EML6: variants seen among roughly 807,000 people sequenced by gnomAD.
The protein encoded by EML6 is echinoderm microtubule-associated protein-like 6.
Under a neutral mutation model 240.1 loss-of-function variants are expected in EML6, and 154 were observed. The ratio of observed to expected loss-of-function variants is 0.64; its 90% CI spans 0.56 to 0.73. The LOEUF (loss-of-function observed/expected upper bound fraction) is 0.73. Ranked by LOEUF, EML6 falls within the 30% of genes least tolerant of loss-of-function variation. The pLI is 0.00. For synonymous variants in EML6, 1,148 were observed against 899.0 expected (o/e 1.28, Z -4.95); for missense variants, 2,964 against 2,474.6 (o/e 1.20, Z -4.20).
At position 54,960,208 on chromosome 2, in the gene EML6, A is replaced by T. The variant is rs1389459304; in HGVS notation, c.4854-12A>T. ...AGGGTTAACAGCCTGAGTCCCTTTC[A>T]ATCTTTTTTAGGACCAAAGAAGGAG... On this transcript the variant is annotated splice_polypyrimidine_tract_variant and intron_variant, in intron 34 of 41. Coordinates refer to ENST00000356458, the MANE Select transcript of EML6 (RefSeq NM_001039753.4). 9 of 1,540,216 alleles carry T rather than the reference A, an allele frequency of 5.8e-6. No individual in the cohort carries two copies. Among genetic ancestry groups the T allele is most frequent in the Admixed American group, 2.0e-5 (1 of 50,968 alleles).
chr2:54,948,915 G>A lies in EML6; in HGVS notation c.4038G>A (p.Glu1346=), dbSNP rs975015320. The change falls in exon 29 of 42, where the codon GAG becomes GAA. Residue 1346 remains glutamate, a synonymous_variant. Transcript: ENST00000356458. ...PPVSRAAPQP[E]KLQKNNITKK... is the part of the protein sequence containing the mutation. ...TTAGCCGAGCAGCTCCCCAGCCTGA[G>A]AAACTGCAGAAGAACAATATCACCA... is the stretch of plus-strand genomic sequence containing the variant. 1.9e-6 allele frequency: 3 copies of A among 1,551,556 alleles called. No individual in the cohort carries two copies. The highest frequency in any genetic ancestry group is 1.4e-5 in the African/African-American group (1 of 73,178).
chr2:54,799,654 C>G (rs1386848165), intron 2 of EML6, among the ~76,000 whole-genome samples: 1 of 152,142 alleles, frequency 6.6e-6, no homozygotes, highest in South Asian at 2.1e-4. Context: ...TGCATGGTTG[C>G]TTTCATACTA....
At position 54,797,164 on chromosome 2, in the gene EML6, C is replaced by CAAAAAAAAAAAAAAAAAAAAAAAA. The variant is rs773498648; in HGVS notation, c.198-16066_198-16043dup. Among the ~76,000 whole-genome samples, 28 of 43,826 alleles carry CAAAAAAAAAAAAAAAAAAAAAAAA rather than the reference C, an allele frequency of 6.4e-4. 1 individual carries two copies. Among genetic ancestry groups the CAAAAAAAAAAAAAAAAAAAAAAAA allele is most frequent in the East Asian group, 2.7e-3 (3 of 1,094 alleles). 28.8% of individuals were successfully genotyped at this position (43,826 alleles called of 152,430 possible). ...TGGGTGACAGAGCAAGACTCCATCT[C>CAAAAAAAAAAAAAAAAAAAAAAAA]AAAAAAAAAAAAAAAAAAAAAAAAA... On this transcript the variant is annotated intron_variant, in intron 2 of 41. Transcript: ENST00000356458.
chr2:54,812,751 A>G (rs1462729740), intron 2 of EML6, among the ~76,000 whole-genome samples: 1 of 152,108 alleles, frequency 6.6e-6, no homozygotes, highest in Non-Finnish European at 1.5e-5. Context: ...ACAGCACATG[A>G]CTCTGGGACC....
intron 28 of EML6, among the ~76,000 whole-genome samples, chr2:54,942,914 CA>C (rs1675501067): frequency 6.6e-6 from 1 of 152,164 alleles, no homozygotes. Context: ...TGTGCCTACC[CA>C]AATGCCATTT....
At chr2:54,808,900 C>A (rs1408870878) in intron 2 of EML6, among the ~76,000 whole-genome samples, 1 of 152,198 alleles carries the variant, frequency 6.6e-6, no homozygotes, top group Non-Finnish European at 1.5e-5. Flanking sequence ...TGATGAAAGT[C>A]CTTCTCTGCA....
intron 35 of EML6, among the ~76,000 whole-genome samples, chr2:54,961,184 G>GTTGTTTTTGTTTTTTTTTTTTTTTTTTT: frequency 1.8e-5 from 1 of 55,424 alleles, no homozygotes; most frequent in Non-Finnish European, 3.2e-5. Flanking sequence ...TCAGGAAGTA[G>GTTGTTTTTGTTTTTTTTTTTTTTTTTTT]TTTTTTTTTT....
At position 54,852,793 on chromosome 2, in the gene EML6, G is replaced by A. The variant is rs1036014760; in HGVS notation, c.1445-850G>A. Reference sequence around the variant, plus strand: ...TTTATTTTGAAAATACTTATTCTGAGAGAGAAGTTAGGTAATATGCTTAAA... The same window carrying A: ...TTTATTTTGAAAATACTTATTCTGAAAGAGAAGTTAGGTAATATGCTTAAA... On this transcript the variant is annotated intron_variant, in intron 10 of 41. Transcript: ENST00000356458. Among the ~76,000 whole-genome samples the A allele has an allele frequency of 4.6e-5, 7 of 152,154 alleles. No homozygotes were observed. In the East Asian group the frequency reaches 1.3e-3, roughly 29 times the overall value.
chr2:54,791,178 G>C (rs1669429296), intron 2 of EML6, among the ~76,000 whole-genome samples: 1 of 152,086 alleles, frequency 6.6e-6, no homozygotes, highest in Non-Finnish European at 1.5e-5. Flanking sequence ...AGGGTTTTCA[G>C]CTTTATTTCC....
chr2:54,801,409 C>G (rs750701480), intron 2 of EML6, among the ~76,000 whole-genome samples: 52 of 151,962 alleles, frequency 3.4e-4, no homozygotes, highest in Non-Finnish European at 6.6e-4. Flanking sequence ...TGGGCTGGGT[C>G]AGCCTTGGCC....
chr2:54,810,369 T>C (rs1356850981), intron 2 of EML6, among the ~76,000 whole-genome samples: 1 of 152,218 alleles, frequency 6.6e-6, no homozygotes, highest in Non-Finnish European at 1.5e-5. Context: ...TCGTAAGTTA[T>C]TTGAAGACTT....
intron 2 of EML6, among the ~76,000 whole-genome samples, chr2:54,812,321 T>TG (rs1205410364): frequency 3.9e-5 from 4 of 101,804 alleles, no homozygotes; most frequent in African/African-American, 8.7e-5. Flanking sequence ...TGCCAAACAC[T>TG]GAAAAAAAAA....
At chr2:54,819,912 C>G (rs1289371738) in intron 4 of EML6, among the ~76,000 whole-genome samples, 1 of 152,100 alleles carries the variant, frequency 6.6e-6, no homozygotes, top group African/African-American at 2.4e-5. Context: ...ATAAATCCCT[C>G]TGCCTTACGT....
chr2:54,869,909 C>G (rs1012949555), intron 15 of EML6, among the ~76,000 whole-genome samples: 2 of 152,078 alleles, frequency 1.3e-5, no homozygotes, highest in African/African-American at 4.8e-5. Flanking sequence ...CCTCTACAAT[C>G]ATTTGGGAGT....
intron 10 of EML6, 63 bp downstream of exon 10, chr2:54,850,281 T>G: frequency 7.0e-7 from 1 of 1,430,444 alleles, no homozygotes; most frequent in Non-Finnish European, 9.6e-7. Context: ...GTGAAGGAAA[T>G]ACAGGACAAG....
At chr2:54,916,401 A>G (rs1315536883) in intron 25 of EML6, among the ~76,000 whole-genome samples, 1 of 152,164 alleles carries the variant, frequency 6.6e-6, no homozygotes, top group African/African-American at 2.4e-5. Context: ...ACAACAAAGA[A>G]TTTTCCAGCC....
intron 25 of EML6, among the ~76,000 whole-genome samples, chr2:54,915,931 ATGT>A (rs1053069775): frequency 1.3e-5 from 2 of 152,152 alleles, no homozygotes; most frequent in Non-Finnish European, 2.9e-5. Context: ...GAAAGCCATA[ATGT>A]TGTTGTTATT....
chr2:54,749,211 G>C lies in EML6; in HGVS notation c.197+23953G>C, dbSNP rs754675819. Among the ~76,000 whole-genome samples the C allele has an allele frequency of 1.1e-3, 166 of 152,270 alleles. No individual in the cohort carries two copies. In the Middle Eastern group the frequency reaches 0.014, roughly 12 times the overall value. On this transcript the variant is annotated intron_variant, in intron 2 of 41. Transcript: ENST00000356458. Reference sequence around the variant, plus strand: ...ACAGAAAGAATGTGGAAATTTTAAAGTTAAGAAAGTAAAGCATTCATGGGT... The same window carrying C: ...ACAGAAAGAATGTGGAAATTTTAAACTTAAGAAAGTAAAGCATTCATGGGT...
chr2:54,844,986 G>A (rs1235841521), intron 8 of EML6, among the ~76,000 whole-genome samples: 1 of 152,192 alleles, frequency 6.6e-6, no homozygotes, highest in Non-Finnish European at 1.5e-5. Flanking sequence ...AAACAGGCCA[G>A]AAAGAGGGAG....
Sources: gnomAD v4.1 joint callset for allele counts (sites outside exome capture counted in the v4.1 genomes callset) on GRCh38, gnomAD v4.1.1 for gene constraint, MANE v1.5 for transcripts, NCBI Gene and HGNC (gene_info 2026-07-23, HGNC 2026-07-21) for gene names.